ANGPT1: variants seen among roughly 807,000 people sequenced by gnomAD.
ANGPT1 encodes angiopoietin 1.
ANGPT1 carries 17 observed loss-of-function variants against 62.2 expected under a neutral mutation model. The observed-to-expected ratio is 0.27, with a 90% CI of 0.19 to 0.41. The LOEUF (loss-of-function observed/expected upper bound fraction) is 0.41, where lower values mean the gene tolerates loss of function less well. Ranked by LOEUF, ANGPT1 falls within the 10% of genes least tolerant of loss-of-function variation. The pLI, the probability that ANGPT1 is intolerant of heterozygous loss-of-function variation, is 1.00. For synonymous variants in ANGPT1, 199 were observed against 198.9 expected, an observed-to-expected ratio of 1.00 and a Z score of 0.00; for missense variants, 478 against 594.9, an observed-to-expected ratio of 0.80 and a Z score of 2.04.
intron 1 of ANGPT1, among the ~76,000 whole-genome samples, chr8:107,384,101 A>T (rs16876200): frequency 0.069 from 10,529 of 152,218 alleles, 909 homozygotes; most frequent in East Asian, 0.48. Flanking sequence ...GGACATGGTC[A>T]TCCAAAACCT....
chr8:107,306,996 C>T (rs186555697), intron 4 of ANGPT1, among the ~76,000 whole-genome samples: 10 of 152,236 alleles, frequency 6.6e-5, no homozygotes, highest in Admixed American at 2.6e-4. Flanking sequence ...AGGGCTGTAT[C>T]TATCTCTCAA....
At chr8:107,262,127 G>A (rs540469215) in intron 8 of ANGPT1, among the ~76,000 whole-genome samples, 8 of 152,182 alleles carry the variant, frequency 5.3e-5, no homozygotes, top group East Asian at 3.9e-4. Context: ...CCAGGGAGGC[G>A]GAGGTTACAG....
At chr8:107,296,155 T>A (rs1331513415) in intron 5 of ANGPT1, among the ~76,000 whole-genome samples, 1 of 151,950 alleles carries the variant, frequency 6.6e-6, no homozygotes, top group South Asian at 2.1e-4. Context: ...CTTAAATAAG[T>A]AAAGAAAAAG....
At chr8:107,489,192 G>A (rs1403962349) in intron 1 of ANGPT1, among the ~76,000 whole-genome samples, 1 of 152,066 alleles carries the variant, frequency 6.6e-6, no homozygotes, top group East Asian at 1.9e-4. Flanking sequence ...CAGTGAGTTT[G>A]GTCGCTTATA....
intron 1 of ANGPT1, 97 bp downstream of exon 1, chr8:107,497,165 G>GTAAA (rs1156302584): frequency 7.2e-7 from 1 of 1,383,536 alleles, no homozygotes; most frequent in Non-Finnish European, 9.9e-7. Flanking sequence ...GGAGCAAAAG[G>GTAAA]TAAATACACA....
chr8:107,258,363 G>C (rs1813417815), intron 8 of ANGPT1, among the ~76,000 whole-genome samples: 1 of 152,050 alleles, frequency 6.6e-6, no homozygotes, highest in Non-Finnish European at 1.5e-5. Context: ...GTATTTCCAA[G>C]AGTTTTTGGA....
At chr8:107,416,234 G>T (rs1441416257) in intron 1 of ANGPT1, among the ~76,000 whole-genome samples, 1 of 152,060 alleles carries the variant, frequency 6.6e-6, no homozygotes, top group Non-Finnish European at 1.5e-5. Flanking sequence ...TAGGGCCTCT[G>T]GAACTTCTCA....
chr8:107,471,790 T>C (rs1301903913), intron 1 of ANGPT1, among the ~76,000 whole-genome samples: 1 of 152,124 alleles, frequency 6.6e-6, no homozygotes, highest in African/African-American at 2.4e-5. Flanking sequence ...AATTATCTGA[T>C]TTATCATCTT....
At chr8:107,336,601 C>T (rs939383589) in intron 2 of ANGPT1, 6 of 154,688 alleles carry the variant, frequency 3.9e-5, no homozygotes, top group Non-Finnish European at 2.6e-5. Context: ...GGAGGCGGAG[C>T]TTGCAGTGAG....
At chr8:107,391,296 C>T (rs1816830727) in intron 1 of ANGPT1, among the ~76,000 whole-genome samples, 2 of 152,106 alleles carry the variant, frequency 1.3e-5, no homozygotes, top group South Asian at 4.1e-4. Flanking sequence ...CCCCAGGCCA[C>T]CTGGAATCCT....
chr8:107,403,995 TTAAA>T (rs1481011105), intron 1 of ANGPT1, among the ~76,000 whole-genome samples: 1 of 152,134 alleles, frequency 6.6e-6, no homozygotes, highest in African/African-American at 2.4e-5. Flanking sequence ...ACCAAAAGCC[TTAAA>T]TAAAGGGCTG....
At chr8:107,400,365 A>G (rs1817020866) in intron 1 of ANGPT1, among the ~76,000 whole-genome samples, 2 of 152,274 alleles carry the variant, frequency 1.3e-5, no homozygotes, top group South Asian at 4.1e-4. Context: ...AATGCCTAGA[A>G]CAATGCCTTC....
intron 4 of ANGPT1, among the ~76,000 whole-genome samples, chr8:107,310,947 G>A (rs1027795200): frequency 1.0e-5 from 1 of 95,632 alleles, no homozygotes; most frequent in African/African-American, 3.1e-5. Context: ...GTGTGTGTGT[G>A]TGTATGTATG....
intron 1 of ANGPT1, among the ~76,000 whole-genome samples, chr8:107,426,061 T>C (rs1811033176): frequency 6.6e-6 from 1 of 152,098 alleles, no homozygotes; most frequent in Admixed American, 6.6e-5. Flanking sequence ...TAAAAGTTAC[T>C]GGACTTCTGG....
intron 1 of ANGPT1, among the ~76,000 whole-genome samples, chr8:107,397,317 GA>G (rs1816955526): frequency 6.6e-6 from 1 of 152,174 alleles, no homozygotes; most frequent in African/African-American, 2.4e-5. Flanking sequence ...CAAGCAATAT[GA>G]AAATGGTAAG....
chr8:107,485,400 G>C (rs1812790101), intron 1 of ANGPT1, among the ~76,000 whole-genome samples: 1 of 152,126 alleles, frequency 6.6e-6, no homozygotes, highest in South Asian at 2.1e-4. Flanking sequence ...CTATGGAGAA[G>C]AATGGACAGG....
intron 1 of ANGPT1, among the ~76,000 whole-genome samples, chr8:107,354,963 T>G (rs944845700): frequency 6.7e-6 from 1 of 149,014 alleles, no homozygotes; most frequent in Non-Finnish European, 1.5e-5. Context: ...CAGGCTGGAG[T>G]GCAGTGGGGC....
intron 1 of ANGPT1, among the ~76,000 whole-genome samples, chr8:107,445,145 A>G (rs1811583591): frequency 6.6e-6 from 1 of 152,196 alleles, no homozygotes; most frequent in African/African-American, 2.4e-5. Context: ...CACATCTCCT[A>G]TCATATCAGA....
intron 1 of ANGPT1, among the ~76,000 whole-genome samples, chr8:107,478,128 C>G (rs1197504515): frequency 1.3e-5 from 2 of 149,790 alleles, no homozygotes; most frequent in Non-Finnish European, 3.0e-5. Flanking sequence ...GTTTTCTCTG[C>G]AACAGTTATT....
Sources: allele counts gnomAD v4.1 joint callset (sites outside exome capture counted in the v4.1 genomes callset), GRCh38; gene constraint gnomAD v4.1.1; transcripts MANE v1.5; gene names NCBI Gene and HGNC (gene_info 2026-07-23, HGNC 2026-07-21).